GRIP2: variants seen among roughly 807,000 people sequenced by gnomAD.
GRIP2 encodes glutamate receptor-interacting protein 2.
GRIP2 carries 58 observed loss-of-function variants against 108.3 expected under a neutral mutation model. The ratio of observed to expected loss-of-function variants is 0.54; its 90% CI spans 0.43 to 0.67. The LOEUF (loss-of-function observed/expected upper bound fraction) is 0.67. Ranked by LOEUF, GRIP2 falls within the 30% of genes least tolerant of loss-of-function variation. The pLI, the probability that GRIP2 is intolerant of heterozygous loss-of-function variation, is 0.00. For synonymous variants in GRIP2, 586 were observed against 598.2 expected, an observed-to-expected ratio of 0.98 and a Z score of 0.30; for missense variants, 1,278 against 1,430.6, an observed-to-expected ratio of 0.89 and a Z score of 1.72.
At chr3:14,579,363 G>T in the GRIP2 span, among the ~76,000 whole-genome samples, 1 of 152,156 alleles carries the variant, frequency 6.6e-6, no homozygotes, top group African/African-American at 2.4e-5. Context: ...GTACTAAACT[G>T]TACACTAAAA....
rs1344640002 is a variant in GRIP2 at position 14,507,635 on chromosome 3, G to A, written c.2144C>T (p.Pro715Leu). ...CAGGAGGTGGATGGCCTCGCTCAGC[G>A]GCCGGCCCTTGAGGCTAACGTTGTT... The part of the protein sequence containing the change: ...AINNVSLKGR[P>L]LSEAIHLLQV... The change falls in exon 18 of 24, where the codon CCG becomes CTG. Residue 715 changes from proline (P) to leucine (L), a missense_variant. Pro to Leu is a moderately conservative substitution (Grantham distance 98, BLOSUM62 -3). Transcript: ENST00000621039. The surrounding 1 kb of genome is among the most constrained non-coding windows in gnomAD (Gnocchi z 4.6). The A allele has an allele frequency of 2.7e-5, 43 of 1,613,894 alleles. No individual in the cohort carries two copies. Among genetic ancestry groups the A allele is most frequent in the African/African-American group, 5.3e-5 (4 of 74,918 alleles).
At chr3:14,564,188 G>T in the GRIP2 span, among the ~76,000 whole-genome samples, 2 of 152,254 alleles carry the variant, frequency 1.3e-5, no homozygotes, top group African/African-American at 4.8e-5. Flanking sequence ...CACCTGCCAA[G>T]AAACAGGTGG....
At chr3:14,541,970 T>A, upstream of GRIP2, 3 of 1,351,748 alleles carry the variant, frequency 2.2e-6, no homozygotes, top group Non-Finnish European at 3.0e-6. Flanking sequence ...GGAGCAGTCT[T>A]AGCTTCAACC....
At position 14,520,402 on chromosome 3, in the gene GRIP2, C is replaced by T; in HGVS notation, c.848G>A (p.Ser283Asn). ...VITIDRIKPA[S>N]VVDRSGALHP... ...GGGTGTGCCTTACCTGTCCACCACG[C>T]TGGCTGGCTTGATGCGGTCGATGGT... The change falls in exon 8 of 24, where the codon AGC becomes AAC. Residue 283 changes from serine to asparagine, a missense_variant. Transcript: ENST00000621039. The T allele has an allele frequency of 6.2e-7, 1 of 1,612,384 alleles. No homozygotes were observed. The highest frequency in any genetic ancestry group is 8.5e-7 in the Non-Finnish European group (1 of 1,179,252).
the GRIP2 span, among the ~76,000 whole-genome samples, chr3:14,602,938 C>T: frequency 1.3e-5 from 2 of 149,814 alleles, no homozygotes; most frequent in Non-Finnish European, 3.0e-5. This position sits in a 1 kb window ranked among gnomAD's most constrained non-coding sequence, Gnocchi z 4.7. Context: ...CTTCGTCCGG[C>T]AGCCGCTGCA....
At chr3:14,557,250 T>C (rs7613294), upstream of GRIP2, among the ~76,000 whole-genome samples, 831 of 152,336 alleles carry the variant, frequency 5.5e-3, 11 homozygotes, top group African/African-American at 0.019. Flanking sequence ...ATCTGACCAG[T>C]AATAAAAATG....
upstream of GRIP2, among the ~76,000 whole-genome samples, chr3:14,545,748 A>G (rs543265159): frequency 6.6e-6 from 1 of 152,334 alleles, no homozygotes; most frequent in Non-Finnish European, 1.5e-5. Flanking sequence ...AAAAAACTAT[A>G]GCATGTGGGC....
Position 14,511,409 on chromosome 3 carries a change from C to T in GRIP2, c.1787+4G>A, listed in dbSNP as rs1351383926. The T allele has an allele frequency of 1.2e-6, 2 of 1,614,010 alleles. No individual in the cohort carries two copies. Among genetic ancestry groups the T allele is most frequent in the Non-Finnish European group, 1.7e-6 (2 of 1,179,880 alleles). On this transcript the variant is annotated splice_donor_region_variant and intron_variant, in intron 15 of 23. Coordinates refer to ENST00000621039, the MANE Select transcript of GRIP2 (RefSeq NM_001080423.4). The surrounding 1 kb of genome is among the most constrained non-coding windows in gnomAD (Gnocchi z 4.1). ...CTTCCCTTCCTGTGCCCCAGTGCCC[C>T]TACCTGTGTGCCACGCTGCCTTTCT...
chr3:14,586,989 T>C, the GRIP2 span, among the ~76,000 whole-genome samples: 2 of 152,174 alleles, frequency 1.3e-5, no homozygotes, highest in East Asian at 3.8e-4. Context: ...TGAAAGGAAA[T>C]ACACCAGAGT....
chr3:14,602,764 G>A, the GRIP2 span, among the ~76,000 whole-genome samples: 3 of 151,718 alleles, frequency 2.0e-5, no homozygotes, highest in Non-Finnish European at 2.9e-5. The surrounding 1 kb of genome is among the most constrained non-coding windows in gnomAD (Gnocchi z 4.7). Flanking sequence ...CCCCACTTTG[G>A]GACCCCCTCC....
the GRIP2 span, among the ~76,000 whole-genome samples, chr3:14,581,429 T>C: frequency 6.6e-6 from 1 of 152,190 alleles, no homozygotes; most frequent in Non-Finnish European, 1.5e-5. Context: ...TCCCCAACCC[T>C]GTCCATGTGG....
At chr3:14,567,792 C>T in the GRIP2 span, among the ~76,000 whole-genome samples, 22,087 of 152,184 alleles carry the variant, frequency 0.15, 1,858 homozygotes, top group Middle Eastern at 0.22. Flanking sequence ...TTACGTTCTA[C>T]GCAGAGAGAC....
intron 7 of GRIP2, 46 bp from the exon 8 acceptor site, chr3:14,520,583 T>C: frequency 6.2e-7 from 1 of 1,606,090 alleles, no homozygotes; most frequent in Non-Finnish European, 8.5e-7. Flanking sequence ...TACCGAGCAC[T>C]TTCCTCCCCA....
chr3:14,506,915 C>A lies in GRIP2; in HGVS notation c.2284G>T (p.Asp762Tyr). The A allele has an allele frequency of 6.2e-7, 1 of 1,606,848 alleles. No individual in the cohort carries two copies. The highest frequency in any genetic ancestry group is 8.5e-7 in the Non-Finnish European group (1 of 1,176,804). ...GCTGGCAGGCCTCCTTTCAGGGCATCTGCTGGGTCCTCATCAGCATCACTG... is the reference window on the plus strand; with the variant it reads ...GCTGGCAGGCCTCCTTTCAGGGCATATGCTGGGTCCTCATCAGCATCACTG... ...ETSDADEDPA[D>Y]ALKGGLPAAR... The change falls in exon 19 of 24, where the codon GAT (aspartate) becomes TAT (tyrosine). Residue 762 changes from aspartate (D) to tyrosine (Y), a missense_variant. Transcript: ENST00000621039.
Position 14,511,538 on chromosome 3 carries a change from G to A in GRIP2, c.1721-59C>T, listed in dbSNP as rs937013506. On this transcript the variant is annotated intron_variant, in intron 14 of 23. Transcript: ENST00000621039. This position sits in a 1 kb window ranked among gnomAD's most constrained non-coding sequence, Gnocchi z 4.1. ...TGGCCTCAGCCTGGGGTGGGGTGGCGAAGCCCAGGGGTCTGAGTGTGGACT... is the reference window on the plus strand; with the variant it reads ...TGGCCTCAGCCTGGGGTGGGGTGGCAAAGCCCAGGGGTCTGAGTGTGGACT... 1.6e-5 allele frequency: 24 copies of A among 1,532,258 alleles called. No homozygotes were observed. Among genetic ancestry groups the A allele is most frequent in the Non-Finnish European group, 2.2e-5 (24 of 1,113,100 alleles). 94.9% of individuals were successfully genotyped at this position (1,532,258 alleles called of 1,614,324 possible).
At chr3:14,563,259 T>C in the GRIP2 span, among the ~76,000 whole-genome samples, 11 of 151,962 alleles carry the variant, frequency 7.2e-5, no homozygotes, top group African/African-American at 2.7e-4. Flanking sequence ...TCTTTATCTG[T>C]GGAGATACAG....
At chr3:14,571,659 G>C in the GRIP2 span, among the ~76,000 whole-genome samples, 7 of 152,180 alleles carry the variant, frequency 4.6e-5, no homozygotes, top group Non-Finnish European at 7.3e-5. Context: ...CCTGGCAGGG[G>C]AGCTGGAGGA....
At position 14,517,152 on chromosome 3, in the gene GRIP2, G is replaced by A. The variant is rs756014467; in HGVS notation, c.1218C>T (p.Pro406=). ...GCTGGGATCCACGGGGAAGGGTGCT[G>A]GGGTTGTTGCAGGAAAAGGCGTGGT... ...TLNHAFSCNN[P]STLPRGSQPM... is the part of the protein sequence containing the mutation. Residue 406 remains proline (P), a synonymous_variant, in exon 11 of 24, where the codon CCC becomes CCT. Transcript: ENST00000621039. The A allele has an allele frequency of 8.7e-6, 14 of 1,609,976 alleles. No individual in the cohort carries two copies. The highest frequency in any genetic ancestry group is 3.4e-5 in the Admixed American group (2 of 59,160).
chr3:14,518,008 C>A, intron 9 of GRIP2, 111 bp from the exon 10 acceptor site: 2 of 1,300,580 alleles, frequency 1.5e-6, no homozygotes, highest in Non-Finnish European at 2.1e-6. Context: ...CTGAGCCAGG[C>A]AAGGCATTTA....
Sources: allele counts gnomAD v4.1 joint callset (sites outside exome capture counted in the v4.1 genomes callset), GRCh38; gene constraint gnomAD v4.1.1; non-coding constraint Gnocchi (gnomAD v3.1); transcripts MANE v1.5; gene names NCBI Gene and HGNC (gene_info 2026-07-23, HGNC 2026-07-21).